Variants in SYTL2 observed in about 807,000 individuals in gnomAD.
SYTL2 encodes the protein synaptotagmin like 2, also known as synaptotagmin-like protein 2.
Under a neutral mutation model 198.7 loss-of-function variants are expected in SYTL2, and 165 were observed. That is an observed-to-expected ratio of 0.83 (90% confidence interval 0.73 to 0.94). SYTL2 has a LOEUF of 0.94. Ranked by LOEUF, SYTL2 falls within the 40% of genes least tolerant of loss-of-function variation. The pLI is 0.00. For synonymous variants in SYTL2, 966 were observed against 917.7 expected (o/e 1.05, Z -0.95); for missense variants, 2,835 against 2,582.8 (o/e 1.10, Z -2.12).
chr11:85,835,777 G>A, the SYTL2 span, among the ~76,000 whole-genome samples: 9 of 152,110 alleles, frequency 5.9e-5, no homozygotes, highest in African/African-American at 1.9e-4. Context: ...GTATGTAGAC[G>A]TGTTTTCTCT....
At chr11:85,709,167 T>TATA (rs1158192445) in intron 14 of SYTL2, among the ~76,000 whole-genome samples, 164 bp downstream of exon 14, 1 of 152,160 alleles carries the variant, frequency 6.6e-6, no homozygotes, top group African/African-American at 2.4e-5. Context: ...ATTTAATGTT[T>TATA]GACATATGAA....
upstream of SYTL2, among the ~76,000 whole-genome samples, chr11:85,813,139 G>A (rs545090875): frequency 2.0e-5 from 3 of 152,110 alleles, no homozygotes; most frequent in Admixed American, 1.3e-4. Flanking sequence ...GCAGGCAAGT[G>A]GGGGAGAAAT....
intron 15 of SYTL2, among the ~76,000 whole-genome samples, chr11:85,706,054 G>C (rs75764615): frequency 6.6e-6 from 1 of 152,304 alleles, no homozygotes; most frequent in East Asian, 1.9e-4. Context: ...AAGGCAGCAT[G>C]ATGTAGTTTT....
chr11:85,695,790 T>A (rs2083323383), intron 19 of SYTL2, among the ~76,000 whole-genome samples: 1 of 152,208 alleles, frequency 6.6e-6, no homozygotes, highest in South Asian at 2.1e-4. Context: ...CTCATAGACT[T>A]GTGAGGATTC....
chr11:85,698,393 A>T (rs1410867906), intron 17 of SYTL2, among the ~76,000 whole-genome samples: 2 of 152,258 alleles, frequency 1.3e-5, no homozygotes, highest in Non-Finnish European at 2.9e-5. Flanking sequence ...ATTTACAGTT[A>T]TATTCAAAAC....
Position 85,727,354 on chromosome 11 carries a change from G to A in SYTL2, c.2004C>T (p.Asn668=), listed in dbSNP as rs1311086088. The change falls in exon 8 of 20, where the codon AAC becomes AAT. Residue 668 remains asparagine (N), a synonymous_variant. Coordinates refer to ENST00000359152, the MANE Select transcript of SYTL2 (RefSeq NM_206927.4). ...ATTCCTTGAGAACACTGTAGGAATA[G>A]TTACTATTTGAAGGAGATGCCCCAT... ...KGNGASPSNS[N]YSYSVLKESD... 3 of 1,536,188 alleles carry A rather than the reference G, an allele frequency of 2.0e-6. No individual in the cohort carries two copies. The highest frequency in any genetic ancestry group is 3.9e-5 in the Admixed American group (2 of 50,998).
In SYTL2 at chr11:85,711,185, G is replaced by A; in HGVS notation, c.5673C>T (p.Leu1891=). Residue 1891 remains leucine (L), a synonymous_variant, in exon 13 of 20, where the codon CTC becomes CTT. Transcript: ENST00000359152. ...TDTASESSYQ[L]SRHKKSPSSL... ...AGCTCGGGCTCTTCTTGTGTCTGCT[G>A]AGCTGGTAACTGCTTTCTGATGCTG... The A allele has an allele frequency of 1.9e-6, 3 of 1,614,068 alleles. No individual in the cohort carries two copies. The highest frequency in any genetic ancestry group is 2.5e-6 in the Non-Finnish European group (3 of 1,179,936).
rs77990057 is a variant in SYTL2, at chr11:85,743,809, T to A, written c.389+1828A>T. On this transcript the variant is annotated intron_variant, in intron 4 of 19. Coordinates refer to ENST00000359152, the MANE Select transcript of SYTL2 (RefSeq NM_206927.4). ...GTTCCTGGAAGAAGGATGGAAAGTC[T>A]GACCCAGATAAAATGGGGCAATGAG... 2.3e-3 allele frequency among the ~76,000 whole-genome samples: 347 copies of A among 152,244 alleles called. 1 individual carries two copies. The highest frequency in any genetic ancestry group is 0.015 in the East Asian group (78 of 5,186).
chr11:85,751,267 C>T (rs939919980), intron 2 of SYTL2, among the ~76,000 whole-genome samples: 4 of 152,118 alleles, frequency 2.6e-5, no homozygotes. Flanking sequence ...TGTACTATTT[C>T]GTAGATAAAT....
intron 1 of SYTL2, among the ~76,000 whole-genome samples, chr11:85,779,848 C>G (rs900794389): frequency 1.3e-5 from 2 of 152,098 alleles, no homozygotes; most frequent in South Asian, 2.1e-4. Flanking sequence ...AGAGAGGGGC[C>G]ATGATTTTAG....
In SYTL2 at chr11:85,720,872, G is replaced by A; in HGVS notation, c.5414C>T (p.Ser1805Leu). Residue 1805 changes from serine (S) to leucine (L), a missense_variant, in exon 9 of 20, where the codon TCA becomes TTA. Transcript: ENST00000359152. ...TTTATTCTCACTTGATGAATCTGATGAAATGTCTTCTAGACTTTTGGAAGG... is the reference window on the plus strand; with the variant it reads ...TTTATTCTCACTTGATGAATCTGATAAAATGTCTTCTAGACTTTTGGAAGG... ...KMPSKSLEDI[S>L]SDSSNQAKVD... 6.2e-7 allele frequency: 1 copy of A among 1,611,688 alleles called. No individual in the cohort carries two copies. The highest frequency in any genetic ancestry group is 8.5e-7 in the Non-Finnish European group (1 of 1,177,886).
chr11:85,777,571 T>C (rs1279994976), intron 1 of SYTL2, among the ~76,000 whole-genome samples: 1 of 151,688 alleles, frequency 6.6e-6, no homozygotes, highest in African/African-American at 2.4e-5. Flanking sequence ...AGCATCAAAA[T>C]TATAGAAGGG....
chr11:85,709,005 A>AT (rs1220679138), intron 14 of SYTL2, among the ~76,000 whole-genome samples: 10 of 151,138 alleles, frequency 6.6e-5, no homozygotes, highest in Admixed American at 6.6e-4. Flanking sequence ...CGCCCAGCTA[A>AT]TTTTTTGTAT....
At chr11:85,772,357 T>C (rs1468310694) in intron 1 of SYTL2, among the ~76,000 whole-genome samples, 1 of 152,230 alleles carries the variant, frequency 6.6e-6, no homozygotes, top group Non-Finnish European at 1.5e-5. Context: ...ATTCTACTTG[T>C]AGAAAACAAA....
At chr11:85,743,478 C>A (rs1293223321) in intron 4 of SYTL2, among the ~76,000 whole-genome samples, 1 of 152,110 alleles carries the variant, frequency 6.6e-6, no homozygotes, top group South Asian at 2.1e-4. Flanking sequence ...TTCATGCCAC[C>A]GGAAAATGGC....
chr11:85,704,720 C>A, intron 16 of SYTL2, 138 bp downstream of exon 16: 1 of 602,908 alleles, frequency 1.7e-6, no homozygotes, highest in African/African-American at 1.9e-5. Context: ...CCTTTTTTAC[C>A]TTTCTTTTTT....
intron 15 of SYTL2, 81 bp downstream of exon 15, chr11:85,707,348 T>A: frequency 1.1e-6 from 1 of 916,642 alleles, no homozygotes; most frequent in Admixed American, 1.9e-5. Flanking sequence ...ACTGACTTTA[T>A]CCTGTAGAGC....
At chr11:85,748,469 T>C in intron 2 of SYTL2, 46 bp from the exon 3 acceptor site, 1 of 1,597,726 alleles carries the variant, frequency 6.3e-7, no homozygotes, top group Non-Finnish European at 8.6e-7. Flanking sequence ...CCACAGTAAA[T>C]AAATGAGTTC....
chr11:85,724,199 G>GA lies in SYTL2; in HGVS notation c.5158_5159insT (p.Pro1720LeufsTer14). 6.3e-7 allele frequency: 1 copy of GA among 1,596,934 alleles called. No individual in the cohort carries two copies. The highest frequency in any genetic ancestry group is 1.4e-5 in the African/African-American group (1 of 73,582). On this transcript the variant is annotated frameshift_variant, in exon 8 of 20. Coordinates refer to ENST00000359152, the MANE Select transcript of SYTL2 (RefSeq NM_206927.4). LOFTEE classifies it high-confidence loss of function. Reference sequence around the variant, plus strand: ...AGAGTTTTCTTTGTTCATCAGGAGAGGAATGGGTTGCCTATTTCTGGACAC... The same window carrying GA: ...AGAGTTTTCTTTGTTCATCAGGAGAGAGAATGGGTTGCCTATTTCTGGACAC...
Sources: gnomAD v4.1 joint callset for allele counts (sites outside exome capture counted in the v4.1 genomes callset) on GRCh38, gnomAD v4.1.1 for gene constraint, MANE v1.5 for transcripts, NCBI Gene and HGNC (gene_info 2026-07-23, HGNC 2026-07-21) for gene names.